Variants in DDX39A observed in about 807,000 individuals in gnomAD.
DDX39A encodes ATP-dependent RNA helicase DDX39A.
Under a neutral mutation model 46.3 loss-of-function variants are expected in DDX39A, and 13 were observed. That is an observed-to-expected ratio of 0.28 (90% CI 0.18 to 0.45). The LOEUF is 0.45. Among genes scored for constraint, DDX39A ranks in the 20% least tolerant of loss-of-function variants. The probability of loss-of-function intolerance (pLI) is 1.00; values close to 1 mark genes in which losing one functional copy is unlikely to be tolerated. For synonymous variants in DDX39A, 234 were observed against 224.6 expected (o/e 1.04, Z -0.38); for missense variants, 352 against 581.8 (o/e 0.61, Z 4.06).
chr19:14,414,746 C>G (rs962052851), intron 1 of DDX39A, among the ~76,000 whole-genome samples: 1 of 150,630 alleles, frequency 6.6e-6, no homozygotes, highest in Non-Finnish European at 1.5e-5. Flanking sequence ...GGTGGGTCAC[C>G]TGAAGTCAGG....
rs370950904 is a variant in DDX39A at position 14,409,266 on chromosome 19, C to A, written c.1119+37G>T. On this transcript the variant is annotated intron_variant, in intron 9 of 10. Coordinates refer to ENST00000242776, the MANE Select transcript of DDX39A (RefSeq NM_005804.4). The surrounding 1 kb of genome is among the most constrained non-coding windows in gnomAD (Gnocchi z 8.3). ...AAGCAGGGCTGGGGCCCCACCCCAC[C>A]GCCAGGGGAAAGCAACATGCCCGTG... 1 of 1,613,098 alleles carries A rather than the reference C, an allele frequency of 6.2e-7. No homozygotes were observed. Among genetic ancestry groups the A allele is most frequent in the African/African-American group, 1.3e-5 (1 of 74,924 alleles).
In DDX39A at chr19:14,414,952, AAAAAAG is replaced by A. The variant is rs1180935617; in HGVS notation, c.-4-1734_-4-1729del. 4.6e-5 allele frequency among the ~76,000 whole-genome samples: 7 copies of A among 151,750 alleles called. No homozygotes were observed. In the East Asian group the frequency reaches 1.4e-3, roughly 29 times the overall value. ...ACTCCAGCCTAAAAAAAAAAAAAAA[AAAAAAG>A]AAAAGCTTCACAGAGATATTTACAT... On this transcript the variant is annotated intron_variant, in intron 1 of 10. Transcript: ENST00000242776.
chr19:14,416,064 TC>T, intron 1 of DDX39A: 1 of 151,358 alleles, frequency 6.6e-6, no homozygotes, highest in South Asian at 2.0e-4. Context: ...AGACCAAGAC[TC>T]TGTCTCAAAA....
At position 14,413,286 on chromosome 19, in the gene DDX39A, A is replaced by G. The variant is rs1358150020; in HGVS notation, c.-4-62T>C. 20 of 1,466,412 alleles carry G rather than the reference A, an allele frequency of 1.4e-5. No homozygotes were observed. The East Asian group carries it at 4.6e-4, about 34-fold the overall frequency. 90.8% of individuals were successfully genotyped at this position (1,466,412 alleles called of 1,614,324 possible). On this transcript the variant is annotated intron_variant, in intron 1 of 10. Coordinates refer to ENST00000242776, the MANE Select transcript of DDX39A (RefSeq NM_005804.4). ...ACAGAAGGATGATGAAGCTTCATTCAAATGGCATTCTCTGCCGCCTCCTTC... is the reference window on the plus strand; with the variant it reads ...ACAGAAGGATGATGAAGCTTCATTCGAATGGCATTCTCTGCCGCCTCCTTC...
Position 14,410,917 on chromosome 19 carries a change from G to T in DDX39A, c.613+72C>A. Reference sequence around the variant, plus strand: ...CCGGCCGCCCATGTAACCCACTCAAGAGCCTTCCGCCTGCTATGGGGCCCG... The same window carrying T: ...CCGGCCGCCCATGTAACCCACTCAATAGCCTTCCGCCTGCTATGGGGCCCG... On this transcript the variant is annotated intron_variant, in intron 5 of 10. Coordinates refer to ENST00000242776, the MANE Select transcript of DDX39A (RefSeq NM_005804.4). The surrounding 1 kb of genome is among the most constrained non-coding windows in gnomAD (Gnocchi z 4.3). The T allele has an allele frequency of 7.1e-7, 1 of 1,415,548 alleles. No homozygotes were observed. The highest frequency in any genetic ancestry group is 1.5e-5 in the South Asian group (1 of 67,962). The allele number at this position is 1,415,548 out of a possible 1,614,324, so 87.7% of individuals were successfully genotyped here. A position where few individuals can be genotyped will look rare whatever the true frequency, so the allele number is the denominator to read the frequency against.
rs1976626612 is a variant in DDX39A, at chr19:14,412,384, A to G, written c.336+167T>C. 1.3e-6 allele frequency: 1 copy of G among 794,214 alleles called. No individual in the cohort carries two copies. Among genetic ancestry groups the G allele is most frequent in the African/African-American group, 1.7e-5 (1 of 57,312 alleles). 49.2% of individuals were successfully genotyped at this position (794,214 alleles called of 1,614,324 possible). A position where few individuals can be genotyped will look rare whatever the true frequency, so the allele number is the denominator to read the frequency against. ...ACCTCTGCCACCCAGGCTGGAGTGC[A>G]GTGGTGTGATCATAGCACACTGCAG... On this transcript the variant is annotated intron_variant, in intron 3 of 10. Coordinates refer to ENST00000242776, the MANE Select transcript of DDX39A (RefSeq NM_005804.4). This position sits in a 1 kb window ranked among gnomAD's most constrained non-coding sequence, Gnocchi z 4.4.
intron 1 of DDX39A, among the ~76,000 whole-genome samples, chr19:14,414,937 A>T (rs1002839598): frequency 9.0e-6 from 1 of 110,516 alleles, no homozygotes; most frequent in Admixed American, 8.5e-5. Context: ...ACTCCAGCCT[A>T]AAAAAAAAAA....
At chr19:14,417,254 C>T (rs1279603165) in intron 1 of DDX39A, among the ~76,000 whole-genome samples, 1 of 152,062 alleles carries the variant, frequency 6.6e-6, no homozygotes, top group Non-Finnish European at 1.5e-5. Context: ...CTATTCTGGG[C>T]TCCAAATCTA....
intron 1 of DDX39A, chr19:14,418,823 A>T: frequency 2.3e-6 from 1 of 426,498 alleles, no homozygotes; most frequent in East Asian, 7.2e-5. Context: ...AAGTAGACCA[A>T]GAAGAAGGTA....
rs778003257 is a variant in DDX39A, at chr19:14,412,972, G to C, written c.208+41C>G. ...GGGCGGGCAGGGCTGGTCTTGTCTT[G>C]GTGAGGACCTGGGCAAGAGGATAAC... On this transcript the variant is annotated intron_variant, in intron 2 of 10. Coordinates refer to ENST00000242776, the MANE Select transcript of DDX39A (RefSeq NM_005804.4). This position sits in a 1 kb window ranked among gnomAD's most constrained non-coding sequence, Gnocchi z 4.4. The C allele has an allele frequency of 6.3e-7, 1 of 1,595,012 alleles. No homozygotes were observed. Among genetic ancestry groups the C allele is most frequent in the Non-Finnish European group, 8.6e-7 (1 of 1,168,130 alleles).
chr19:14,412,599 C>G lies in DDX39A; in HGVS notation c.288G>C (p.Ala96=), dbSNP rs761746247. The G allele has an allele frequency of 3.0e-5, 49 of 1,610,870 alleles. No homozygotes were observed. The highest frequency in any genetic ancestry group is 4.1e-5 in the Non-Finnish European group (48 of 1,180,022). The change falls in exon 3 of 11, where the codon GCG becomes GCC. Residue 96 remains alanine, a synonymous_variant. Coordinates refer to ENST00000242776, the MANE Select transcript of DDX39A (RefSeq NM_005804.4). This position sits in a 1 kb window ranked among gnomAD's most constrained non-coding sequence, Gnocchi z 4.4. The part of the protein sequence containing the change: ...CQAKSGMGKT[A]VFVLATLQQI... ...GCTGTAGGGTGGCCAGCACGAAGAC[C>G]GCTGTCTTGCCCATCCCGGACTTGG...
rs547543955 is a variant in DDX39A at position 14,411,915 on chromosome 19, T to C, written c.337-317A>G. ...ACATGGGACCTGGCTCTCTAAGGAT[T>C]TCCTGAATCTCGGCACTCGGGCGGC... On this transcript the variant is annotated intron_variant, in intron 3 of 10. Transcript: ENST00000242776. The surrounding 1 kb of genome is among the most constrained non-coding windows in gnomAD (Gnocchi z 4.1). 1.3e-5 allele frequency among the ~76,000 whole-genome samples: 2 copies of C among 152,282 alleles called. No homozygotes were observed. Among genetic ancestry groups the C allele is most frequent in the African/African-American group, 4.8e-5 (2 of 41,556 alleles).
rs1405804851 is a variant in DDX39A at position 14,410,046 on chromosome 19, T to C, written c.732+170A>G. 27 of 1,070,888 alleles carry C rather than the reference T, an allele frequency of 2.5e-5. No homozygotes were observed. The highest frequency in any genetic ancestry group is 3.7e-5 in the Non-Finnish European group (26 of 704,710). 66.3% of individuals were successfully genotyped at this position (1,070,888 alleles called of 1,614,324 possible). On this transcript the variant is annotated intron_variant, in intron 6 of 10. Transcript: ENST00000242776. This position sits in a 1 kb window ranked among gnomAD's most constrained non-coding sequence, Gnocchi z 4.3. ...GATGTAAGCTCTGGCCCGACTCAGG[T>C]GTGGACCAAGCTTGACTCCCAGTTT...
rs947613537 is a variant in DDX39A, at chr19:14,412,903, G to A, written c.208+110C>T. 4.9e-5 allele frequency: 66 copies of A among 1,350,642 alleles called. No individual in the cohort carries two copies. Among genetic ancestry groups the A allele is most frequent in the Admixed American group, 1.1e-4 (5 of 46,484 alleles). The allele number at this position is 1,350,642 out of a possible 1,614,324, so 83.7% of individuals were successfully genotyped here. On this transcript the variant is annotated intron_variant, in intron 2 of 10. Coordinates refer to ENST00000242776, the MANE Select transcript of DDX39A (RefSeq NM_005804.4). This position sits in a 1 kb window ranked among gnomAD's most constrained non-coding sequence, Gnocchi z 4.4. ...GGCACAACTGATCCGCGGGACAGAC[G>A]GGCCCCTCCCTCACCCACGGCAAAC...
chr19:14,410,863 C>A lies in DDX39A; in HGVS notation c.613+126G>T. On this transcript the variant is annotated intron_variant, in intron 5 of 10. Transcript: ENST00000242776. This position sits in a 1 kb window ranked among gnomAD's most constrained non-coding sequence, Gnocchi z 4.3. ...ATCCCTCTGCCAGCAGCAGAGCTTT[C>A]CCCAAGATCACCACAGGAGCCCCGC... is the stretch of plus-strand genomic sequence containing the variant. 1.1e-6 allele frequency: 1 copy of A among 895,588 alleles called. No individual in the cohort carries two copies. Among genetic ancestry groups the A allele is most frequent in the Non-Finnish European group, 1.6e-6 (1 of 617,586 alleles). 55.5% of individuals were successfully genotyped at this position (895,588 alleles called of 1,614,324 possible).
At position 14,410,968 on chromosome 19, in the gene DDX39A, C is replaced by T. The variant is rs911225745; in HGVS notation, c.613+21G>A. The T allele has an allele frequency of 1.3e-6, 2 of 1,530,046 alleles. No homozygotes were observed. The highest frequency in any genetic ancestry group is 2.0e-5 in the Admixed American group (1 of 49,552). The allele number at this position is 1,530,046 out of a possible 1,614,324, so 94.8% of individuals were successfully genotyped here. A position where few individuals can be genotyped will look rare whatever the true frequency, so the allele number is the denominator to read the frequency against. ...CCTAGTCACTGACTCTCAGCTGGGG[C>T]TGCAAGGGCAGAGGACTCACCCAGC... On this transcript the variant is annotated intron_variant, in intron 5 of 10. Coordinates refer to ENST00000242776, the MANE Select transcript of DDX39A (RefSeq NM_005804.4). The surrounding 1 kb of genome is among the most constrained non-coding windows in gnomAD (Gnocchi z 4.3).
chr19:14,419,009 G>A (rs1381086388), intron 1 of DDX39A: 1 of 456,208 alleles, frequency 2.2e-6, no homozygotes, highest in Admixed American at 2.3e-5. Context: ...GGGGCTCGGA[G>A]CGCCGTAGGC....
rs750935445 is a variant in DDX39A, at chr19:14,408,836, T to G, written c.*100A>C. 1 of 1,484,338 alleles carries G rather than the reference T, an allele frequency of 6.7e-7. No individual in the cohort carries two copies. The highest frequency in any genetic ancestry group is 9.0e-7 in the Non-Finnish European group (1 of 1,110,932). The allele number at this position is 1,484,338 out of a possible 1,614,324, so 91.9% of individuals were successfully genotyped here. A position where few individuals can be genotyped will look rare whatever the true frequency, so the allele number is the denominator to read the frequency against. ...AGCCAGGCTTCCATAATAACAAGTTTATTCTCATACAATCTCTAGCTTCTC... is the reference window on the plus strand; with the variant it reads ...AGCCAGGCTTCCATAATAACAAGTTGATTCTCATACAATCTCTAGCTTCTC... On this transcript the variant is annotated 3_prime_UTR_variant, in exon 11 of 11. Coordinates refer to ENST00000242776, the MANE Select transcript of DDX39A (RefSeq NM_005804.4).
intron 1 of DDX39A, chr19:14,416,550 A>G (rs751611709): frequency 5.2e-5 from 8 of 152,398 alleles, no homozygotes; most frequent in Non-Finnish European, 1.0e-4. Context: ...GCAGCAGGGA[A>G]AACAGGAGCC....
Sources: gnomAD v4.1 joint callset for allele counts (sites outside exome capture counted in the v4.1 genomes callset) on GRCh38, gnomAD v4.1.1 for gene constraint, Gnocchi (gnomAD v3.1) non-coding constraint, MANE v1.5 for transcripts, NCBI Gene and HGNC (gene_info 2026-07-23, HGNC 2026-07-21) for gene names.